Variants in ZMYM4 observed in about 807,000 individuals in gnomAD.
ZMYM4 encodes the protein zinc finger MYM-type containing 4.
In ZMYM4, 31 loss-of-function variants were observed where a neutral mutation model predicts 183.2. The observed-to-expected ratio is 0.17, with a 90% CI of 0.13 to 0.23. The LOEUF (loss-of-function observed/expected upper bound fraction) is 0.23, where lower values mean the gene tolerates loss of function less well. Ranked by LOEUF, ZMYM4 falls within the 10% of genes least tolerant of loss-of-function variation. The pLI, the probability that ZMYM4 is intolerant of heterozygous loss-of-function variation, is 1.00. For synonymous variants in ZMYM4, 592 were observed against 631.2 expected (o/e 0.94, Z 0.93); for missense variants, 1,273 against 1,840.3 (o/e 0.69, Z 5.64).
chr1:35,337,493 TG>T (rs1472666247), intron 2 of ZMYM4, among the ~76,000 whole-genome samples: 1 of 152,220 alleles, frequency 6.6e-6, no homozygotes, highest in Non-Finnish European at 1.5e-5. Context: ...GAAATTAATA[TG>T]TATGCAATTC....
At chr1:35,327,300 A>C (rs1327029038) in intron 2 of ZMYM4, among the ~76,000 whole-genome samples, 1 of 152,248 alleles carries the variant, frequency 6.6e-6, no homozygotes, top group Non-Finnish European at 1.5e-5. Context: ...AGAACATTGA[A>C]TATGTATTCC....
At chr1:35,417,644 G>A (rs922749415) in intron 28 of ZMYM4, among the ~76,000 whole-genome samples, 3 of 151,786 alleles carry the variant, frequency 2.0e-5, no homozygotes, top group African/African-American at 4.8e-5. Flanking sequence ...TCAAGGCTGC[G>A]GAGATTCAAG....
chr1:35,418,131 T>C lies in ZMYM4; in HGVS notation c.4310-312T>C, dbSNP rs532547048. On this transcript the variant is annotated intron_variant, in intron 28 of 29. Coordinates refer to ENST00000314607, the MANE Select transcript of ZMYM4 (RefSeq NM_005095.3). ...GAACCCTGTGCCTAATGAAGTTTAT[T>C]AATAAAGTCAGGCTCAGAATAGAGA... Among the ~76,000 whole-genome samples the C allele has an allele frequency of 1.0e-3, 155 of 152,350 alleles. 1 individual carries two copies. The highest frequency in any genetic ancestry group is 2.0e-3 in the Admixed American group (31 of 15,310).
At chr1:35,383,780 TG>T (rs1008374757) in intron 9 of ZMYM4, among the ~76,000 whole-genome samples, 10 of 152,338 alleles carry the variant, frequency 6.6e-5, no homozygotes, top group South Asian at 2.1e-4. Context: ...ATATCTGCTG[TG>T]GTAGAGAAAG....
At chr1:35,353,612 G>A (rs1428708255) in intron 2 of ZMYM4, among the ~76,000 whole-genome samples, 2 of 152,142 alleles carry the variant, frequency 1.3e-5, no homozygotes, top group Admixed American at 6.5e-5. Context: ...AGAAATTTGT[G>A]CTTTCAGGTG....
intron 1 of ZMYM4, among the ~76,000 whole-genome samples, chr1:35,297,668 A>G (rs1014593506): frequency 6.6e-6 from 1 of 152,162 alleles, no homozygotes; most frequent in African/African-American, 2.4e-5. Context: ...GTTAAGTGCA[A>G]CAGCCATTTG....
At chr1:35,366,524 A>G (rs1644084579) in intron 5 of ZMYM4, among the ~76,000 whole-genome samples, 1 of 152,222 alleles carries the variant, frequency 6.6e-6, no homozygotes, top group South Asian at 2.1e-4. Flanking sequence ...AATAGAATTC[A>G]TGAAAATTTA....
At chr1:35,368,835 C>T (rs960196209) in intron 5 of ZMYM4, among the ~76,000 whole-genome samples, 6 of 151,840 alleles carry the variant, frequency 4.0e-5, no homozygotes, top group East Asian at 1.9e-4. Context: ...CCATTGGAGC[C>T]GGAGGCAGAA....
Position 35,387,044 on chromosome 1 carries a change from G to T in ZMYM4, c.1878G>T (p.Val626=), listed in dbSNP as rs139130617. The T allele has an allele frequency of 3.7e-4, 591 of 1,614,058 alleles. 3 individuals carry two copies. Among genetic ancestry groups the T allele is most frequent in the Admixed American group, 2.3e-4 (14 of 59,998 alleles). The change falls in exon 12 of 30, where the codon GTG becomes GTT. Residue 626 remains valine, a synonymous_variant. Transcript: ENST00000314607. ...NKPTGMNSSV[V]PLSQGQVIVS... is the part of the protein sequence containing the mutation. ...CAACTGGAATGAATTCTTCAGTAGT[G>T]CCCTTGTCTCAGGGCCAAGTAATTG...
chr1:35,360,606 G>A (rs1643914381), intron 3 of ZMYM4, among the ~76,000 whole-genome samples: 1 of 152,046 alleles, frequency 6.6e-6, no homozygotes, highest in African/African-American at 2.4e-5. Flanking sequence ...ATAATGTCTA[G>A]TAGTAGAATG....
intron 26 of ZMYM4, among the ~76,000 whole-genome samples, 162 bp downstream of exon 26, chr1:35,408,321 A>G (rs570950271): frequency 2.0e-5 from 3 of 152,336 alleles, no homozygotes; most frequent in South Asian, 4.1e-4. Flanking sequence ...GTGTTAATCA[A>G]GCTTTGTGGA....
rs377266821 is a variant in ZMYM4, at chr1:35,401,959, A to T, written c.3528+2383A>T. Among the ~76,000 whole-genome samples the T allele has an allele frequency of 4.6e-5, 7 of 152,146 alleles. No homozygotes were observed. In the East Asian group the frequency reaches 1.2e-3, roughly 25 times the overall value. On this transcript the variant is annotated intron_variant, in intron 23 of 29. Coordinates refer to ENST00000314607, the MANE Select transcript of ZMYM4 (RefSeq NM_005095.3). ...TGAAACTTTCTATTCTGTTCTATTGACTTATATGTCTATTTTTATACCAGT... is the reference window on the plus strand; with the variant it reads ...TGAAACTTTCTATTCTGTTCTATTGTCTTATATGTCTATTTTTATACCAGT...
Position 35,390,089 on chromosome 1 carries a change from A to C in ZMYM4, c.2578A>C (p.Asn860His). The C allele has an allele frequency of 6.2e-7, 1 of 1,613,378 alleles. No individual in the cohort carries two copies. The highest frequency in any genetic ancestry group is 8.5e-7 in the Non-Finnish European group (1 of 1,179,568). Residue 860 changes from asparagine to histidine, a missense_variant, in exon 15 of 30, where the codon AAT (asparagine) becomes CAT (histidine). Physicochemically the swap from Asn to His is moderately conservative, Grantham distance 68. Coordinates refer to ENST00000314607, the MANE Select transcript of ZMYM4 (RefSeq NM_005095.3). ...QQSVCDPPSQ[N>H]NAANISMVQA... ...AAGTGTATGTGACCCGCCTTCACAA[A>C]ATAATGCAGGTAAAATTAACCTTAG... is the stretch of plus-strand genomic sequence containing the variant.
At chr1:35,346,264 A>C (rs1425125203) in intron 2 of ZMYM4, among the ~76,000 whole-genome samples, 2 of 152,202 alleles carry the variant, frequency 1.3e-5, no homozygotes, top group Non-Finnish European at 2.9e-5. Context: ...CCAGTACTGC[A>C]CCATGGTGGC....
At chr1:35,336,300 C>T (rs1447892351) in intron 2 of ZMYM4, among the ~76,000 whole-genome samples, 1 of 151,766 alleles carries the variant, frequency 6.6e-6, no homozygotes, top group Non-Finnish European at 1.5e-5. Flanking sequence ...AAAAATGATA[C>T]TTTAGTGTAT....
chr1:35,283,957 A>G (rs936356052), intron 1 of ZMYM4, among the ~76,000 whole-genome samples: 1 of 151,924 alleles, frequency 6.6e-6, no homozygotes, highest in East Asian at 1.9e-4. Context: ...TTGATGCACA[A>G]AAGTTTTTTT....
In ZMYM4 at chr1:35,419,964, G is replaced by C. The variant is rs552668249; in HGVS notation, c.*287G>C. ...TTATTTTGTTTGGGAGTAACAAATC[G>C]TGGAATATTTTTAAGGAAAACTGTT... On this transcript the variant is annotated 3_prime_UTR_variant, in exon 30 of 30. Transcript: ENST00000314607. 5.2e-6 allele frequency: 2 copies of C among 384,192 alleles called. No homozygotes were observed. The highest frequency in any genetic ancestry group is 9.9e-6 in the Non-Finnish European group (2 of 203,042). The allele number at this position is 384,192 out of a possible 1,614,324, so 23.8% of individuals were successfully genotyped here. A position where few individuals can be genotyped will look rare whatever the true frequency, so the allele number is the denominator to read the frequency against.
chr1:35,360,147 A>T (rs1245089857), intron 3 of ZMYM4, among the ~76,000 whole-genome samples: 3 of 151,930 alleles, frequency 2.0e-5, no homozygotes, highest in African/African-American at 7.2e-5. Context: ...AACCTCTTCT[A>T]CTCTGTCATC....
chr1:35,372,305 G>A (rs1016648513), intron 7 of ZMYM4, among the ~76,000 whole-genome samples: 1 of 152,052 alleles, frequency 6.6e-6, no homozygotes, highest in Non-Finnish European at 1.5e-5. Flanking sequence ...TTATACCAGG[G>A]CTATTTTGAG....
Sources: allele counts gnomAD v4.1 joint callset (sites outside exome capture counted in the v4.1 genomes callset), GRCh38; gene constraint gnomAD v4.1.1; transcripts MANE v1.5; gene names NCBI Gene and HGNC (gene_info 2026-07-23, HGNC 2026-07-21).